The following DYM variants were observed in gnomAD, a reference collection of about 807,000 sequenced individuals.
DYM encodes dymeclin, also known as dyggve-Melchior-Clausen syndrome protein.
DYM carries 78 observed loss-of-function variants against 93.1 expected under a neutral mutation model. The observed-to-expected ratio is 0.84, with a 90% confidence interval of 0.70 to 1.01. The LOEUF is 1.01. DYM is among the 50% of genes least tolerant of loss of function. DYM has a pLI of 0.00. For missense variants in DYM, 789 were observed against 845.0 expected, an observed-to-expected ratio of 0.93 and a Z score of 0.82; for synonymous variants, 321 against 319.7, an observed-to-expected ratio of 1.00 and a Z score of -0.04.
intron 2 of DYM, among the ~76,000 whole-genome samples, chr18:49,402,598 A>T (rs2070980811): frequency 6.6e-6 from 1 of 152,208 alleles, no homozygotes; most frequent in African/African-American, 2.4e-5. Context: ...TCAGGTACAT[A>T]ATCTTTAAAA....
At chr18:49,208,815 A>G (rs1207821550) in intron 14 of DYM, 1 of 142,752 alleles carries the variant, frequency 7.0e-6, no homozygotes, top group East Asian at 2.0e-4. Flanking sequence ...TCTTACTTAG[A>G]AAAAAAAAAA....
intron 10 of DYM, among the ~76,000 whole-genome samples, chr18:49,277,765 A>G (rs1028996823): frequency 1.3e-5 from 2 of 152,324 alleles, no homozygotes; most frequent in South Asian, 4.1e-4. Flanking sequence ...TACGAGAAAT[A>G]ACTTTCTGTT....
At chr18:49,174,085 A>C (rs780871708) in intron 14 of DYM, among the ~76,000 whole-genome samples, 3 of 152,108 alleles carry the variant, frequency 2.0e-5, no homozygotes, top group Non-Finnish European at 2.9e-5. Context: ...ATTTTGTCAA[A>C]TGCTTTTTCT....
intron 8 of DYM, among the ~76,000 whole-genome samples, chr18:49,320,883 A>G (rs929285146): frequency 2.0e-4 from 31 of 152,350 alleles, no homozygotes; most frequent in African/African-American, 7.5e-4. Flanking sequence ...GGTAGTCTCA[A>G]AACTACACAA....
chr18:49,095,292 T>C (rs1367867502), intron 17 of DYM, among the ~76,000 whole-genome samples: 2 of 152,208 alleles, frequency 1.3e-5, no homozygotes, highest in Non-Finnish European at 2.9e-5. Context: ...ATTAAAATAA[T>C]TGAGATAAGG....
Position 49,363,213 on chromosome 18 carries a change from A to G in DYM, c.442T>C (p.Leu148=), listed in dbSNP as rs1339964796. The G allele has an allele frequency of 6.2e-7, 1 of 1,613,868 alleles. No homozygotes were observed. Among genetic ancestry groups the G allele is most frequent in the Non-Finnish European group, 8.5e-7 (1 of 1,179,914 alleles). ...ATCAAACAGCACAGCAATTCTTCCA[A>G]AAGATCTTCTGAGTCAGAACCTGGT... ...GNYSSDSEDL[L]EELLCCLMQL... The change falls in exon 6 of 18, where the codon TTG becomes CTG. Residue 148 remains leucine (L), a synonymous_variant. Coordinates refer to ENST00000675505, the MANE Select transcript of DYM (RefSeq NM_001353214.3).
chr18:49,246,074 G>A (rs745478349), intron 13 of DYM, among the ~76,000 whole-genome samples: 6 of 152,208 alleles, frequency 3.9e-5, no homozygotes, highest in Non-Finnish European at 7.3e-5. Flanking sequence ...AGTTTGTAAA[G>A]GAGGAAACTG....
chr18:49,129,588 A>G (rs2083189154), intron 15 of DYM, among the ~76,000 whole-genome samples: 1 of 152,238 alleles, frequency 6.6e-6, no homozygotes, highest in Non-Finnish European at 1.5e-5. Context: ...CTAATGTGTC[A>G]GTCTTGAAAC....
intron 14 of DYM, among the ~76,000 whole-genome samples, chr18:49,176,201 A>G (rs1312734401): frequency 6.6e-6 from 1 of 152,214 alleles, no homozygotes; most frequent in Non-Finnish European, 1.5e-5. Flanking sequence ...AACTTAAAAA[A>G]TGATGTTACA....
At chr18:49,100,569 T>C (rs987794083) in intron 16 of DYM, among the ~76,000 whole-genome samples, 1 of 152,228 alleles carries the variant, frequency 6.6e-6, no homozygotes, top group African/African-American at 2.4e-5. Context: ...TTGTATGTTT[T>C]AAAGCTGACA....
At chr18:49,246,472 A>C (rs2094169008) in intron 13 of DYM, among the ~76,000 whole-genome samples, 1 of 152,184 alleles carries the variant, frequency 6.6e-6, no homozygotes, top group South Asian at 2.1e-4. Flanking sequence ...CAAATATCAC[A>C]ATTTTGTAAA....
At chr18:49,202,905 G>A (rs1293745224) in intron 14 of DYM, among the ~76,000 whole-genome samples, 1 of 138,030 alleles carries the variant, frequency 7.2e-6, no homozygotes, top group Non-Finnish European at 1.6e-5. Context: ...GGGAGGTTGG[G>A]GGGGGTCAGC....
At chr18:49,084,392 G>A (rs1176082018) in intron 17 of DYM, among the ~76,000 whole-genome samples, 1 of 152,138 alleles carries the variant, frequency 6.6e-6, no homozygotes, top group Non-Finnish European at 1.5e-5. Flanking sequence ...CTATCCTGGA[G>A]AGTGTTCCAT....
chr18:49,406,153 G>A (rs1234340142), intron 2 of DYM, among the ~76,000 whole-genome samples: 1 of 152,112 alleles, frequency 6.6e-6, no homozygotes, highest in Non-Finnish European at 1.5e-5. Context: ...CATATTGTCA[G>A]CAAAAAGAGA....
chr18:49,417,454 T>A (rs964143628), intron 2 of DYM, among the ~76,000 whole-genome samples: 1 of 152,150 alleles, frequency 6.6e-6, no homozygotes, highest in African/African-American at 2.4e-5. Flanking sequence ...CCAGCTTGTA[T>A]AAGGCTATTC....
intron 17 of DYM, among the ~76,000 whole-genome samples, chr18:49,061,347 GAAT>G (rs1185411461): frequency 6.6e-6 from 1 of 152,140 alleles, no homozygotes; most frequent in Non-Finnish European, 1.5e-5. Flanking sequence ...CCAGGCAGAG[GAAT>G]AATAGAAGCA....
chr18:49,317,495 T>G (rs1345126507), intron 8 of DYM, among the ~76,000 whole-genome samples: 1 of 150,932 alleles, frequency 6.6e-6, no homozygotes, highest in Non-Finnish European at 1.5e-5. Context: ...CAAAAGTCTT[T>G]AACTAAAACA....
At chr18:49,200,624 T>C (rs148056186) in intron 14 of DYM, among the ~76,000 whole-genome samples, 130 of 152,172 alleles carry the variant, frequency 8.5e-4, no homozygotes, top group African/African-American at 2.7e-3. Context: ...ACCCTTTCTT[T>C]AGGTTAAGTT....
At chr18:49,263,102 T>G (rs922723350) in intron 11 of DYM, among the ~76,000 whole-genome samples, 3 of 151,980 alleles carry the variant, frequency 2.0e-5, no homozygotes, top group African/African-American at 7.3e-5. Flanking sequence ...GAAGCAGAAT[T>G]GCCAAATCAT....
Sources: allele counts gnomAD v4.1 joint callset (sites outside exome capture counted in the v4.1 genomes callset), GRCh38; gene constraint gnomAD v4.1.1; transcripts MANE v1.5; gene names NCBI Gene and HGNC (gene_info 2026-07-23, HGNC 2026-07-21).